PCSK2: variants seen among roughly 807,000 people sequenced by gnomAD.
PCSK2 encodes proprotein convertase subtilisin/kexin type 2.
In PCSK2, 14 loss-of-function variants were observed where a neutral mutation model predicts 69.7. The observed-to-expected ratio is 0.20, with a 90% CI of 0.13 to 0.31. The LOEUF (loss-of-function observed/expected upper bound fraction) is 0.31. Ranked by LOEUF, PCSK2 falls within the 10% of genes least tolerant of loss-of-function variation. The probability of loss-of-function intolerance (pLI) is 1.00; values close to 1 mark genes in which losing one functional copy is unlikely to be tolerated. For missense variants in PCSK2, 544 were observed against 842.5 expected (o/e 0.65, Z 4.39); for synonymous variants, 307 against 320.7 (o/e 0.96, Z 0.46).
intron 8 of PCSK2, among the ~76,000 whole-genome samples, chr20:17,439,730 C>A (rs2032557948): frequency 6.6e-6 from 1 of 152,208 alleles, no homozygotes. Context: ...AGAGTCTCAG[C>A]CCTAAACAAT....
At chr20:17,328,843 C>A (rs1990136645) in intron 2 of PCSK2, among the ~76,000 whole-genome samples, 1 of 152,168 alleles carries the variant, frequency 6.6e-6, no homozygotes, top group Admixed American at 6.5e-5. Flanking sequence ...TGTCGACAGT[C>A]ATGAAATTAC....
chr20:17,475,002 G>A (rs970017617), intron 11 of PCSK2, among the ~76,000 whole-genome samples: 3 of 151,922 alleles, frequency 2.0e-5, no homozygotes, highest in Admixed American at 6.6e-5. Context: ...TGGGTTGCTC[G>A]GAAGCAGAGC....
chr20:17,459,524 G>GAAT (rs1230392258), intron 10 of PCSK2, among the ~76,000 whole-genome samples: 3 of 152,264 alleles, frequency 2.0e-5, no homozygotes, highest in Admixed American at 2.0e-4. Flanking sequence ...TGTACCCATT[G>GAAT]ACCCTACCTT....
chr20:17,317,733 T>A lies in PCSK2; in HGVS notation c.283-40594T>A, dbSNP rs571294397. On this transcript the variant is annotated intron_variant, in intron 2 of 11. Coordinates refer to ENST00000262545, the MANE Select transcript of PCSK2 (RefSeq NM_002594.5). ...AATAAGAAGTAACAGAAAATAGAAA[T>A]AATAATAAAATACTACCCCCAAAAT... 2.2e-4 allele frequency among the ~76,000 whole-genome samples: 33 copies of A among 152,104 alleles called. No homozygotes were observed. The South Asian group carries it at 2.7e-3, about 12-fold the overall frequency.
intron 8 of PCSK2, among the ~76,000 whole-genome samples, chr20:17,447,270 C>CAA (rs386393432): frequency 0.56 from 71,654 of 127,162 alleles, 19,086 homozygotes; most frequent in East Asian, 0.68. Context: ...TACTCTGTCT[C>CAA]AAAAAAAAAA....
At chr20:17,328,327 A>G (rs1362257958) in intron 2 of PCSK2, among the ~76,000 whole-genome samples, 3 of 150,260 alleles carry the variant, frequency 2.0e-5, no homozygotes, top group African/African-American at 7.3e-5. Context: ...TAATATATAT[A>G]TAATTATATG....
intron 2 of PCSK2, among the ~76,000 whole-genome samples, chr20:17,353,092 T>A (rs2030048919): frequency 6.6e-6 from 1 of 151,996 alleles, no homozygotes; most frequent in African/African-American, 2.4e-5. Context: ...ATACTCAATA[T>A]CACTAATCAT....
chr20:17,339,408 T>C (rs1384958894), intron 2 of PCSK2, among the ~76,000 whole-genome samples: 1 of 152,206 alleles, frequency 6.6e-6, no homozygotes, highest in Non-Finnish European at 1.5e-5. Flanking sequence ...GAGCTCATGA[T>C]CCGTCGACAT....
intron 10 of PCSK2, chr20:17,464,894 T>C: frequency 3.7e-6 from 1 of 267,260 alleles, no homozygotes; most frequent in Non-Finnish European, 7.3e-6. Flanking sequence ...TGGTCAGGTA[T>C]ATGCCTAGGA....
chr20:17,313,128 T>C (rs1323516746), intron 2 of PCSK2, among the ~76,000 whole-genome samples: 1 of 152,100 alleles, frequency 6.6e-6, no homozygotes, highest in Non-Finnish European at 1.5e-5. Flanking sequence ...ACCCAACATA[T>C]CCAAAATATT....
intron 5 of PCSK2, among the ~76,000 whole-genome samples, chr20:17,380,539 T>G (rs1180600869): frequency 6.6e-6 from 1 of 152,224 alleles, no homozygotes; most frequent in East Asian, 1.9e-4. Context: ...TTTCCTCATC[T>G]GTAAAATGGG....
chr20:17,303,456 T>A lies in PCSK2; in HGVS notation c.282+43112T>A, dbSNP rs62202217. 1.4e-4 allele frequency among the ~76,000 whole-genome samples: 8 copies of A among 55,300 alleles called. 1 individual carries two copies. The South Asian group carries it at 3.2e-3, about 22-fold the overall frequency. 36.3% of individuals were successfully genotyped at this position (55,300 alleles called of 152,430 possible). A position where few individuals can be genotyped will look rare whatever the true frequency, so the allele number is the denominator to read the frequency against. Reference sequence around the variant, plus strand: ...ATATATAATATAATATATATTATATTAAATATAATATATATTATATATAAT... The same window carrying A: ...ATATATAATATAATATATATTATATAAAATATAATATATATTATATATAAT... On this transcript the variant is annotated intron_variant, in intron 2 of 11. Transcript: ENST00000262545.
chr20:17,402,589 G>A (rs1049734124), intron 5 of PCSK2, among the ~76,000 whole-genome samples: 2 of 150,518 alleles, frequency 1.3e-5, no homozygotes, highest in African/African-American at 2.5e-5. Flanking sequence ...TGAACCCTAG[G>A]GACAGAGGTT....
intron 2 of PCSK2, among the ~76,000 whole-genome samples, chr20:17,311,175 A>C (rs915732801): frequency 1.3e-5 from 2 of 152,122 alleles, no homozygotes; most frequent in African/African-American, 4.8e-5. Context: ...TATAAATTGA[A>C]CAAGATAATG....
chr20:17,273,452 T>C (rs545801023), intron 2 of PCSK2, among the ~76,000 whole-genome samples: 1 of 152,310 alleles, frequency 6.6e-6, no homozygotes, highest in South Asian at 2.1e-4. Context: ...TGCCTAAGAC[T>C]TCAAAGCTGG....
At chr20:17,252,142 G>A (rs1333447446) in intron 1 of PCSK2, among the ~76,000 whole-genome samples, 2 of 152,074 alleles carry the variant, frequency 1.3e-5, no homozygotes, top group East Asian at 1.9e-4. Flanking sequence ...CACCATACTC[G>A]TAATTAAAGT....
chr20:17,251,068 C>T (rs1394980184), intron 1 of PCSK2, among the ~76,000 whole-genome samples: 2 of 151,914 alleles, frequency 1.3e-5, no homozygotes, highest in Non-Finnish European at 1.5e-5. Context: ...CCACTGCACT[C>T]CAGCCTGGGC....
intron 1 of PCSK2, among the ~76,000 whole-genome samples, chr20:17,246,281 C>G (rs1260333762): frequency 6.6e-6 from 1 of 152,156 alleles, no homozygotes; most frequent in South Asian, 2.1e-4. Context: ...GTATTCGAAA[C>G]CAGCCTAGTG....
chr20:17,420,906 CACTCCCTAACCG>C (rs2032109666), intron 6 of PCSK2, among the ~76,000 whole-genome samples: 1 of 152,158 alleles, frequency 6.6e-6, no homozygotes, highest in East Asian at 1.9e-4. Flanking sequence ...ACATGGTAAG[CACTCCCTAACCG>C]ACAACCAATA....
Sources: allele counts gnomAD v4.1 joint callset (sites outside exome capture counted in the v4.1 genomes callset), GRCh38; gene constraint gnomAD v4.1.1; transcripts MANE v1.5; gene names NCBI Gene and HGNC (gene_info 2026-07-23, HGNC 2026-07-21).